UPP2: variants seen among roughly 807,000 people sequenced by gnomAD.
UPP2 encodes UPase 2.
UPP2 carries 23 observed loss-of-function variants against 26.7 expected under a neutral mutation model. That is an observed-to-expected ratio of 0.86 (90% confidence interval 0.62 to 1.22). The LOEUF (loss-of-function observed/expected upper bound fraction) is 1.22. Among genes scored for constraint, UPP2 ranks in the 50% most tolerant of loss-of-function variants. The pLI is 0.00. For missense variants in UPP2, 387 were observed against 396.7 expected (o/e 0.98, Z 0.21); for synonymous variants, 127 against 141.3 (o/e 0.90, Z 0.72).
intron 3 of UPP2, among the ~76,000 whole-genome samples, chr2:158,056,302 T>C (rs1682243930): frequency 6.6e-6 from 1 of 152,206 alleles, no homozygotes; most frequent in Admixed American, 6.5e-5. Context: ...ATTAATATCT[T>C]ATATTACACC....
intron 3 of UPP2, among the ~76,000 whole-genome samples, chr2:158,016,053 T>C (rs1210882101): frequency 1.3e-5 from 2 of 152,084 alleles, no homozygotes; most frequent in Non-Finnish European, 2.9e-5. Flanking sequence ...TCCATGGCAG[T>C]AGCCCCATTT....
chr2:158,049,420 C>T (rs760021354), intron 3 of UPP2, among the ~76,000 whole-genome samples: 2 of 152,198 alleles, frequency 1.3e-5, no homozygotes, highest in Non-Finnish European at 2.9e-5. Context: ...TGATTTTCAG[C>T]TGCAGTACAA....
intron 2 of UPP2, among the ~76,000 whole-genome samples, chr2:158,109,464 C>T (rs990650699): frequency 6.6e-6 from 1 of 152,156 alleles, no homozygotes; most frequent in African/African-American, 2.4e-5. Context: ...GACCCAGGCT[C>T]CTTCCATAAT....
chr2:158,035,797 G>A (rs1330010088), intron 3 of UPP2, among the ~76,000 whole-genome samples: 1 of 152,216 alleles, frequency 6.6e-6, no homozygotes, highest in Non-Finnish European at 1.5e-5. Context: ...GTCCAGAGAT[G>A]TTCTTATTTT....
Position 158,088,029 on chromosome 2 carries a change from C to T in UPP2, c.148-14011C>T, listed in dbSNP as rs191859476. Among the ~76,000 whole-genome samples the T allele has an allele frequency of 3.4e-3, 523 of 152,314 alleles. 5 individuals carry two copies. The highest frequency in any genetic ancestry group is 0.011 in the African/African-American group (445 of 41,580). Reference sequence around the variant, plus strand: ...AGGTTCTTGTTTTTGGAGTCTAGATCGCTTACAAGGCCTGGGAAGTGTTCT... The same window carrying T: ...AGGTTCTTGTTTTTGGAGTCTAGATTGCTTACAAGGCCTGGGAAGTGTTCT... On this transcript the variant is annotated intron_variant, in intron 3 of 9. Transcript: ENST00000605860.
intron 3 of UPP2, among the ~76,000 whole-genome samples, chr2:158,089,572 C>T (rs1256631867): frequency 1.3e-5 from 2 of 152,256 alleles, no homozygotes; most frequent in African/African-American, 4.8e-5. Flanking sequence ...AAGTTTCCTT[C>T]TCTCTGGTCA....
chr2:158,130,819 T>C (rs1356236298), intron 6 of UPP2, among the ~76,000 whole-genome samples: 1 of 152,204 alleles, frequency 6.6e-6, no homozygotes, highest in Non-Finnish European at 1.5e-5. Context: ...CACTGCGCTT[T>C]CCCAACACCC....
At chr2:158,090,107 G>T (rs1339159217) in intron 3 of UPP2, among the ~76,000 whole-genome samples, 2 of 152,020 alleles carry the variant, frequency 1.3e-5, no homozygotes, top group Non-Finnish European at 2.9e-5. Context: ...TAACTAAAAG[G>T]GTGGAATTGG....
At chr2:158,101,765 A>T (rs1683079737), upstream of UPP2, 1 of 993,366 alleles carries the variant, frequency 1.0e-6, no homozygotes, top group Non-Finnish European at 1.3e-6. Context: ...CAACCTGGTC[A>T]AAGAGCTAGG....
chr2:157,997,006 T>C (rs1001347095), intron 2 of UPP2, among the ~76,000 whole-genome samples: 2 of 152,218 alleles, frequency 1.3e-5, no homozygotes, highest in Non-Finnish European at 2.9e-5. Context: ...CAACTTGACC[T>C]TTGACTTTTA....
intron 2 of UPP2, among the ~76,000 whole-genome samples, chr2:158,009,214 T>C (rs1683539389): frequency 6.6e-6 from 1 of 152,244 alleles, no homozygotes; most frequent in South Asian, 2.1e-4. Context: ...GTTATTAGTT[T>C]ATTGTAGTTA....
intron 3 of UPP2, among the ~76,000 whole-genome samples, chr2:158,075,427 C>A (rs1179971191): frequency 6.6e-6 from 1 of 151,756 alleles, no homozygotes; most frequent in African/African-American, 2.4e-5. Context: ...AAGGATAGAC[C>A]ATATGTTAGG....
rs980408245 is a variant in UPP2 at position 158,089,082 on chromosome 2, G to A, written c.148-12958G>A. Among the ~76,000 whole-genome samples, 5 of 152,228 alleles carry A rather than the reference G, an allele frequency of 3.3e-5. 1 individual carries two copies. Among genetic ancestry groups the A allele is most frequent in the African/African-American group, 4.8e-5 (2 of 41,518 alleles). Reference sequence around the variant, plus strand: ...GTCCTTTGTCTTTGGCTACCAGAGCGGGTAGAGAAAGACCATCAGGTGGGG... The same window carrying A: ...GTCCTTTGTCTTTGGCTACCAGAGCAGGTAGAGAAAGACCATCAGGTGGGG... On this transcript the variant is annotated intron_variant, in intron 3 of 9. Transcript: ENST00000605860.
intron 3 of UPP2, among the ~76,000 whole-genome samples, chr2:158,057,544 C>T (rs1682266346): frequency 6.7e-6 from 1 of 148,504 alleles, no homozygotes; most frequent in African/African-American, 2.5e-5. Context: ...TGAGAAACTA[C>T]TGCAGAGTTC....
rs559603870 is a variant in UPP2, at chr2:158,067,687, C to T, written c.148-34353C>T. 1.2e-4 allele frequency among the ~76,000 whole-genome samples: 19 copies of T among 152,120 alleles called. No individual in the cohort carries two copies. In the South Asian group the frequency reaches 3.3e-3, roughly 27 times the overall value. On this transcript the variant is annotated intron_variant, in intron 3 of 9. Coordinates refer to the UPP2 transcript ENST00000605860. ...TTTATTTCATTACAAATACTGTGCC[C>T]CAGAATAATTCCTGAAACTCACTTA... is the stretch of plus-strand genomic sequence containing the variant.
intron 3 of UPP2, among the ~76,000 whole-genome samples, chr2:158,076,191 T>C (rs899950553): frequency 6.6e-6 from 1 of 151,842 alleles, no homozygotes; most frequent in Non-Finnish European, 1.5e-5. Flanking sequence ...ATTATCCCAA[T>C]AAAGAAAAGC....
Position 158,121,494 on chromosome 2 carries a change from C to G in UPP2, c.540C>G (p.Asn180Lys). 1.9e-6 allele frequency: 3 copies of G among 1,613,406 alleles called. No homozygotes were observed. Among genetic ancestry groups the G allele is most frequent in the Non-Finnish European group, 1.7e-6 (2 of 1,179,436 alleles). The change falls in exon 5 of 7, where the codon AAC (asparagine) becomes AAG (lysine). Residue 180 changes from asparagine (N) to lysine (K), a missense_variant. Transcript: ENST00000005756. ...GGTTTGAACAGGTCATTTTGGACAA[C>G]ATTGTCACCCGAAGTACTGAACTGG... ...KPRFEQVILD[N>K]IVTRSTELDK...
intron 3 of UPP2, among the ~76,000 whole-genome samples, chr2:158,117,475 T>C (rs533949391): frequency 6.6e-6 from 1 of 152,042 alleles, no homozygotes; most frequent in South Asian, 2.1e-4. Flanking sequence ...TGCAAAAAGC[T>C]CTTTTTCAAA....
chr2:158,113,877 A>AG (rs1443101162), intron 2 of UPP2, among the ~76,000 whole-genome samples: 3 of 152,236 alleles, frequency 2.0e-5, no homozygotes, highest in Admixed American at 2.0e-4. Flanking sequence ...ATACAGGAAA[A>AG]GTAACAAGCT....
Sources: gnomAD v4.1 joint callset for allele counts (sites outside exome capture counted in the v4.1 genomes callset) on GRCh38, gnomAD v4.1.1 for gene constraint, MANE v1.5 for transcripts, NCBI Gene and HGNC (gene_info 2026-07-23, HGNC 2026-07-21) for gene names.